LRRTM4: variants seen among roughly 807,000 people sequenced by gnomAD.
LRRTM4 encodes leucine-rich repeat transmembrane neuronal protein 4.
A neutral mutation model predicts 47.6 loss-of-function variants in LRRTM4; 25 were observed. The ratio of observed to expected loss-of-function variants is 0.53; its 90% CI spans 0.38 to 0.73. The LOEUF is 0.73. Among genes scored for constraint, LRRTM4 ranks in the 30% least tolerant of loss-of-function variants. The pLI is 0.00. For synonymous variants in LRRTM4, 311 were observed against 269.5 expected (o/e 1.15, Z -1.51); for missense variants, 638 against 713.4 (o/e 0.89, Z 1.20).
chr2:77,515,155 G>T (rs1008484041), intron 3 of LRRTM4, among the ~76,000 whole-genome samples: 2 of 151,676 alleles, frequency 1.3e-5, no homozygotes, highest in African/African-American at 4.8e-5. Flanking sequence ...CCTTATACTT[G>T]TGCTATAATT....
intron 3 of LRRTM4, among the ~76,000 whole-genome samples, chr2:77,481,160 C>G (rs560838286): frequency 1.3e-5 from 2 of 152,108 alleles, no homozygotes; most frequent in African/African-American, 2.4e-5. Flanking sequence ...TATAGAATAC[C>G]TTTTCTGTAC....
chr2:77,294,867 A>T, intron 3 of LRRTM4, among the ~76,000 whole-genome samples: 1 of 152,194 alleles, frequency 6.6e-6, no homozygotes, highest in Non-Finnish European at 1.5e-5. Context: ...CATAGGATTT[A>T]TATTTTATTA....
intron 3 of LRRTM4, among the ~76,000 whole-genome samples, chr2:76,809,553 A>G (rs543368645): frequency 5.3e-5 from 8 of 152,174 alleles, no homozygotes; most frequent in Non-Finnish European, 8.8e-5. Context: ...TCCCTCAGCC[A>G]GGCAATCACT....
intron 3 of LRRTM4, among the ~76,000 whole-genome samples, chr2:76,808,822 A>C (rs1055479145): frequency 1.7e-4 from 21 of 121,616 alleles, no homozygotes; most frequent in African/African-American, 6.6e-4. Flanking sequence ...TTTCTGCTGA[A>C]CTTTTTTTTT....
intron 3 of LRRTM4, among the ~76,000 whole-genome samples, chr2:77,274,597 A>G (rs1676292002): frequency 6.6e-6 from 1 of 152,168 alleles, no homozygotes; most frequent in African/African-American, 2.4e-5. Flanking sequence ...CCAAATGAGA[A>G]TGTGTCAAAA....
intron 3 of LRRTM4, among the ~76,000 whole-genome samples, chr2:77,464,792 T>A (rs541835888): frequency 6.6e-6 from 1 of 152,230 alleles, no homozygotes; most frequent in South Asian, 2.1e-4. Flanking sequence ...AGACACTTAA[T>A]AAAATAATCC....
At chr2:76,863,022 C>T (rs1672364200) in intron 3 of LRRTM4, among the ~76,000 whole-genome samples, 1 of 152,174 alleles carries the variant, frequency 6.6e-6, no homozygotes, top group African/African-American at 2.4e-5. Flanking sequence ...TGTCACCACA[C>T]CAGAATTCAA....
intron 3 of LRRTM4, among the ~76,000 whole-genome samples, chr2:77,441,757 A>G (rs1020023381): frequency 6.6e-6 from 1 of 152,212 alleles, no homozygotes; most frequent in Admixed American, 6.5e-5. Context: ...CCCAAAGAGA[A>G]GTAAGACATA....
intron 3 of LRRTM4, among the ~76,000 whole-genome samples, chr2:77,099,168 T>A (rs1322503011): frequency 6.6e-6 from 1 of 151,964 alleles, no homozygotes; most frequent in African/African-American, 2.4e-5. Context: ...CGGTATGAAT[T>A]CTCATACATA....
At chr2:77,230,650 C>CG (rs1188528573) in intron 3 of LRRTM4, among the ~76,000 whole-genome samples, 1 of 151,868 alleles carries the variant, frequency 6.6e-6, no homozygotes, top group Non-Finnish European at 1.5e-5. Flanking sequence ...TCTATGTAAT[C>CG]GGGGGTTTTA....
intron 3 of LRRTM4, among the ~76,000 whole-genome samples, chr2:77,079,888 TTTTAAA>T (rs1248285995): frequency 1.3e-5 from 2 of 152,078 alleles, no homozygotes; most frequent in Non-Finnish European, 2.9e-5. Context: ...AATTAAAACA[TTTTAAA>T]TTTAATTTTA....
At chr2:77,187,069 C>T (rs1163305273) in intron 3 of LRRTM4, among the ~76,000 whole-genome samples, 1 of 152,054 alleles carries the variant, frequency 6.6e-6, no homozygotes, top group Non-Finnish European at 1.5e-5. Flanking sequence ...GCACATGCAC[C>T]CATCTATGGC....
In LRRTM4 at chr2:76,773,837, C is replaced by T. The variant is rs369079926; in HGVS notation, c.1552-24921G>A. Among the ~76,000 whole-genome samples the T allele has an allele frequency of 1.2e-3, 182 of 149,978 alleles. 1 individual carries two copies. The highest frequency in any genetic ancestry group is 7.6e-3 in the East Asian group (39 of 5,120). On this transcript the variant is annotated intron_variant, in intron 3 of 3. Coordinates refer to ENST00000409884, the MANE Select transcript of LRRTM4 (RefSeq NM_001134745.3). ...TTTTTTTACCATGTAGACAAAATTA[C>T]GAATAATGGTAGCAGAGGTTTGATC...
intron 3 of LRRTM4, among the ~76,000 whole-genome samples, chr2:77,027,762 A>G (rs930128598): frequency 8.5e-5 from 13 of 152,196 alleles, no homozygotes; most frequent in Admixed American, 1.3e-4. Flanking sequence ...AAATATCAAG[A>G]CATTTGAATT....
At position 77,217,730 on chromosome 2, in the gene LRRTM4, C is replaced by T. The variant is rs72809116; in HGVS notation, c.1551+300588G>A. On this transcript the variant is annotated intron_variant, in intron 3 of 3. Coordinates refer to ENST00000409884, the MANE Select transcript of LRRTM4 (RefSeq NM_001134745.3). ...GATAAGTCATAAGTCTTTCTATCTG[C>T]AGTACCTAAAAATTAATTCTTTTAG... 6.1e-3 allele frequency among the ~76,000 whole-genome samples: 920 copies of T among 151,842 alleles called. 6 individuals carry two copies. Among genetic ancestry groups the T allele is most frequent in the South Asian group, 0.011 (52 of 4,818 alleles).
At chr2:77,099,938 T>C (rs1670909359) in intron 3 of LRRTM4, among the ~76,000 whole-genome samples, 1 of 152,152 alleles carries the variant, frequency 6.6e-6, no homozygotes, top group Non-Finnish European at 1.5e-5. Context: ...TGTATAACTT[T>C]CTGGAGTCAA....
intron 3 of LRRTM4, among the ~76,000 whole-genome samples, chr2:76,850,395 C>A (rs957459284): frequency 1.3e-5 from 2 of 152,124 alleles, no homozygotes; most frequent in Non-Finnish European, 2.9e-5. Context: ...TGCATTAGAA[C>A]TGTAAAAATT....
intron 3 of LRRTM4, among the ~76,000 whole-genome samples, chr2:76,841,271 G>A (rs1387959075): frequency 1.3e-5 from 2 of 150,036 alleles, no homozygotes; most frequent in Non-Finnish European, 3.0e-5. Context: ...TCTGGGGACT[G>A]TTGTGGGGTG....
intron 3 of LRRTM4, among the ~76,000 whole-genome samples, chr2:76,912,552 T>C (rs1393522200): frequency 6.6e-6 from 1 of 152,202 alleles, no homozygotes; most frequent in Non-Finnish European, 1.5e-5. Context: ...TTAGAGACAA[T>C]GTCATTTACA....
Sources: allele counts gnomAD v4.1 joint callset (sites outside exome capture counted in the v4.1 genomes callset), GRCh38; gene constraint gnomAD v4.1.1; transcripts MANE v1.5; gene names NCBI Gene and HGNC (gene_info 2026-07-23, HGNC 2026-07-21).